CCDC93: variants seen among roughly 807,000 people sequenced by gnomAD.
The protein encoded by CCDC93 is coiled-coil domain-containing protein 93.
Under a neutral mutation model 108.2 loss-of-function variants are expected in CCDC93, and 61 were observed. That is an observed-to-expected ratio of 0.56 (90% CI 0.46 to 0.70). The LOEUF (loss-of-function observed/expected upper bound fraction) is 0.70. Ranked by LOEUF, CCDC93 falls within the 30% of genes least tolerant of loss-of-function variation. The pLI, the probability that CCDC93 is intolerant of heterozygous loss-of-function variation, is 0.00. For missense variants in CCDC93, 685 were observed against 764.2 expected (o/e 0.90, Z 1.22); for synonymous variants, 276 against 260.4 (o/e 1.06, Z -0.58).
intron 8 of CCDC93, among the ~76,000 whole-genome samples, chr2:117,977,576 G>A (rs1679982918): frequency 6.6e-6 from 1 of 152,202 alleles, no homozygotes; most frequent in Non-Finnish European, 1.5e-5. Context: ...GATTTACCTG[G>A]CTCTTCCATG....
intron 23 of CCDC93, among the ~76,000 whole-genome samples, chr2:117,930,279 C>G (rs993966619): frequency 6.6e-6 from 1 of 152,198 alleles, no homozygotes; most frequent in Non-Finnish European, 1.5e-5. Context: ...TCTAAACTCA[C>G]TGAAACCACA....
intron 22 of CCDC93, chr2:117,934,468 T>C (rs1343043565): frequency 6.6e-6 from 1 of 152,290 alleles, no homozygotes; most frequent in Non-Finnish European, 1.5e-5. Context: ...TACGGCTGAA[T>C]AGTCTTGAGA....
At chr2:118,008,813 A>G in intron 1 of CCDC93, 155 bp from the exon 2 acceptor site, 1 of 604,708 alleles carries the variant, frequency 1.7e-6, no homozygotes, top group Non-Finnish European at 2.9e-6. Context: ...AGTGTCACAC[A>G]GAAGTATGTG....
chr2:117,939,401 T>C (rs1442113730), intron 19 of CCDC93, among the ~76,000 whole-genome samples: 2 of 152,132 alleles, frequency 1.3e-5, no homozygotes, highest in African/African-American at 4.8e-5. Context: ...GCCAAAGAAC[T>C]GGGTGGGGGT....
chr2:117,989,386 A>G (rs1680411338), intron 6 of CCDC93, among the ~76,000 whole-genome samples: 1 of 152,082 alleles, frequency 6.6e-6, no homozygotes, highest in Non-Finnish European at 1.5e-5. Context: ...GGATGGTCTC[A>G]TGGTATAAGG....
chr2:117,976,392 G>A (rs1430522895), intron 8 of CCDC93, among the ~76,000 whole-genome samples: 1 of 151,752 alleles, frequency 6.6e-6, no homozygotes, highest in Non-Finnish European at 1.5e-5. Context: ...GATAAAACAT[G>A]ATATACTCAA....
At chr2:118,010,783 C>A (rs906875958) in intron 1 of CCDC93, among the ~76,000 whole-genome samples, 9 of 152,100 alleles carry the variant, frequency 5.9e-5, no homozygotes, top group African/African-American at 2.2e-4. Context: ...CTTTAACTAC[C>A]CCAAAAACAA....
chr2:117,990,081 G>A (rs866879053), intron 6 of CCDC93, among the ~76,000 whole-genome samples: 2 of 152,262 alleles, frequency 1.3e-5, no homozygotes, highest in African/African-American at 4.8e-5. Flanking sequence ...GTATCTTTTG[G>A]GTCTGGATAA....
chr2:117,951,560 G>A (rs759420065), intron 13 of CCDC93: 6 of 999,468 alleles, frequency 6.0e-6, no homozygotes, highest in Admixed American at 1.2e-4. Context: ...TTTCGGAGAC[G>A]TCTTTGAAGA....
intron 23 of CCDC93, among the ~76,000 whole-genome samples, chr2:117,929,273 T>C (rs1480847572): frequency 6.6e-6 from 1 of 152,030 alleles, no homozygotes; most frequent in East Asian, 1.9e-4. Context: ...AAAAAAGAAA[T>C]ATGCAAAAAC....
At chr2:117,995,313 C>T (rs2104813689) in intron 6 of CCDC93, 133 bp downstream of exon 6, 1 of 745,300 alleles carries the variant, frequency 1.3e-6, no homozygotes, top group East Asian at 2.5e-5. Context: ...GCTTCCCTCA[C>T]ACAGCCATCT....
At position 117,920,291 on chromosome 2, in the gene CCDC93, T is replaced by TA; in HGVS notation, c.*51dup. The TA allele has an allele frequency of 8.1e-7, 1 of 1,234,648 alleles. No homozygotes were observed. Among genetic ancestry groups the TA allele is most frequent in the Non-Finnish European group, 1.2e-6 (1 of 838,468 alleles). The allele number at this position is 1,234,648 out of a possible 1,614,324, so 76.5% of individuals were successfully genotyped here. A position where few individuals can be genotyped will look rare whatever the true frequency, so the allele number is the denominator to read the frequency against. On this transcript the variant is annotated 3_prime_UTR_variant, in exon 24 of 24. Transcript: ENST00000376300. The stretch of plus-strand genomic sequence containing the variant: ...AACCATTTCATGATCTTGTAGGTGA[T>TA]ATACGGTGCTTAAAAGTAAAATCAA...
intron 13 of CCDC93, among the ~76,000 whole-genome samples, chr2:117,952,164 G>C (rs368216746): frequency 1.2e-4 from 18 of 151,808 alleles, no homozygotes; most frequent in African/African-American, 3.9e-4. Context: ...AGACCACTAA[G>C]GGACTAGAAT....
chr2:117,957,978 T>G (rs556831676), intron 12 of CCDC93, among the ~76,000 whole-genome samples: 5 of 152,212 alleles, frequency 3.3e-5, no homozygotes, highest in Non-Finnish European at 7.3e-5. Context: ...TTGTTCTTCA[T>G]TCATCCCAAT....
intron 23 of CCDC93, among the ~76,000 whole-genome samples, chr2:117,924,718 C>A (rs1678014763): frequency 6.6e-6 from 1 of 152,148 alleles, no homozygotes; most frequent in African/African-American, 2.4e-5. Context: ...GGATAATATC[C>A]AGGAGAACTT....
Position 117,977,097 on chromosome 2 carries a change from G to A in CCDC93, c.657+897C>T, listed in dbSNP as rs539635131. On this transcript the variant is annotated intron_variant, in intron 8 of 23. Transcript: ENST00000376300. Reference sequence around the variant, plus strand: ...ACTACAGGCGCCCACCACCACTCCCGGAGAATGTTTTTTTGTATTTTTAGT... The same window carrying A: ...ACTACAGGCGCCCACCACCACTCCCAGAGAATGTTTTTTTGTATTTTTAGT... 3.4e-4 allele frequency among the ~76,000 whole-genome samples: 51 copies of A among 149,814 alleles called. No homozygotes were observed. The Middle Eastern group carries it at 0.02, about 60-fold the overall frequency.
intron 23 of CCDC93, among the ~76,000 whole-genome samples, chr2:117,922,501 G>C (rs951444105): frequency 6.6e-6 from 1 of 152,176 alleles, no homozygotes; most frequent in African/African-American, 2.4e-5. Flanking sequence ...ATTCATCAGT[G>C]CTATTGAATT....
chr2:117,989,138 A>G (rs1280133363), intron 6 of CCDC93, among the ~76,000 whole-genome samples: 1 of 152,224 alleles, frequency 6.6e-6, no homozygotes, highest in Non-Finnish European at 1.5e-5. Context: ...TTTGTCATTT[A>G]GAGCCTGCCT....
At chr2:117,940,596 G>A (rs1378902204) in intron 19 of CCDC93, among the ~76,000 whole-genome samples, 2 of 152,240 alleles carry the variant, frequency 1.3e-5, no homozygotes, top group Non-Finnish European at 2.9e-5. Context: ...GACAGAATCA[G>A]ATGTGTGGCT....
Sources: allele counts gnomAD v4.1 joint callset (sites outside exome capture counted in the v4.1 genomes callset), GRCh38; gene constraint gnomAD v4.1.1; transcripts MANE v1.5; gene names NCBI Gene and HGNC (gene_info 2026-07-23, HGNC 2026-07-21).